HHIP: variants seen among roughly 807,000 people sequenced by gnomAD.
HHIP encodes the protein hedgehog-interacting protein.
Under a neutral mutation model 74.0 loss-of-function variants are expected in HHIP, and 12 were observed. That is an observed-to-expected ratio of 0.16 (90% CI 0.10 to 0.26). The LOEUF (loss-of-function observed/expected upper bound fraction) is 0.26. Ranked by LOEUF, HHIP falls within the 10% of genes least tolerant of loss-of-function variation. HHIP has a pLI of 1.00. For missense variants in HHIP, 788 were observed against 845.0 expected, an observed-to-expected ratio of 0.93 and a Z score of 0.84; for synonymous variants, 309 against 311.6, an observed-to-expected ratio of 0.99 and a Z score of 0.09.
At position 144,646,635 on chromosome 4, in the gene HHIP, C is replaced by G. The variant is rs377747402; in HGVS notation, c.-41C>G. 1.9e-6 allele frequency: 3 copies of G among 1,590,996 alleles called. No individual in the cohort carries two copies. Among genetic ancestry groups the G allele is most frequent in the Non-Finnish European group, 2.6e-6 (3 of 1,166,704 alleles). On this transcript the variant is annotated 5_prime_UTR_variant, in exon 1 of 13. Transcript: ENST00000296575. Reference sequence around the variant, plus strand: ...CCCCTGCTGGGCAGTGGCGTTCCCCCCCATCCTCCCGCGCCCAGCCCCTGC... The same window carrying G: ...CCCCTGCTGGGCAGTGGCGTTCCCCGCCATCCTCCCGCGCCCAGCCCCTGC...
intron 4 of HHIP, among the ~76,000 whole-genome samples, chr4:144,668,450 G>T (rs948373719): frequency 4.0e-5 from 6 of 151,460 alleles, no homozygotes; most frequent in African/African-American, 1.5e-4. Context: ...GCTGAAGATC[G>T]GGTGCAAGAA....
Position 144,742,749 on chromosome 4 carries a change from T to C in HHIP, c.*4792T>C, listed in dbSNP as rs945346505. Reference sequence around the variant, plus strand: ...TCTTTAAAATACCTAAAAATAAATATATATTTGCTATCTTATCCTCTTTTT... The same window carrying C: ...TCTTTAAAATACCTAAAAATAAATACATATTTGCTATCTTATCCTCTTTTT... On this transcript the variant is annotated 3_prime_UTR_variant, in exon 13 of 13. Coordinates refer to ENST00000296575, the MANE Select transcript of HHIP (RefSeq NM_022475.3). The C allele has an allele frequency of 3.7e-4, 56 of 149,362 alleles. No homozygotes were observed. The highest frequency in any genetic ancestry group is 1.3e-3 in the African/African-American group (53 of 40,778). The allele number at this position is 149,362 out of a possible 1,614,324, so 9.3% of individuals were successfully genotyped here. A position where few individuals can be genotyped will look rare whatever the true frequency, so the allele number is the denominator to read the frequency against.
rs1468409186 is a variant in HHIP at position 144,646,810 on chromosome 4, G to C, written c.135G>C (p.Pro45=). ...GAAGGTGCCTGAATGGGAACCCCCC[G>C]AAGCGCCTGAAAAGGAGAGACAGGA... ...RRRRCLNGNP[P]KRLKRRDRRM... is the part of the protein sequence containing the mutation. Residue 45 remains proline (P), a synonymous_variant, in exon 1 of 13, where the codon CCG becomes CCC. Coordinates refer to ENST00000296575, the MANE Select transcript of HHIP (RefSeq NM_022475.3). The C allele has an allele frequency of 1.2e-6, 2 of 1,614,192 alleles. No individual in the cohort carries two copies. The highest frequency in any genetic ancestry group is 2.2e-5 in the South Asian group (2 of 91,080).
chr4:144,658,138 G>A (rs1728600829), intron 2 of HHIP, among the ~76,000 whole-genome samples: 1 of 152,084 alleles, frequency 6.6e-6, no homozygotes, highest in African/African-American at 2.4e-5. Context: ...ATACTGATGA[G>A]ATATGCTCAC....
rs1728709707 is a variant in HHIP at position 144,661,393 on chromosome 4, G to T, written c.831+1555G>T. On this transcript the variant is annotated intron_variant, in intron 4 of 12. Transcript: ENST00000296575. The stretch of plus-strand genomic sequence containing the variant: ...TTCCAGAAGAGCTCCCAGGTTTCTG[G>T]GGCCTAAAATATACTTCAAAACCTG... 3 of 152,064 alleles carry T rather than the reference G, an allele frequency of 2.0e-5. No homozygotes were observed. In the South Asian group the frequency reaches 6.2e-4, roughly 32 times the overall value. The allele number at this position is 152,064 out of a possible 1,614,324, so 9.4% of individuals were successfully genotyped here. A position where few individuals can be genotyped will look rare whatever the true frequency, so the allele number is the denominator to read the frequency against.
At chr4:144,671,713 G>A (rs1006777720) in intron 4 of HHIP, among the ~76,000 whole-genome samples, 1 of 151,962 alleles carries the variant, frequency 6.6e-6, no homozygotes. Context: ...TAATACCTTG[G>A]GTCAGCCACG....
chr4:144,658,885 G>A lies in HHIP; in HGVS notation c.568G>A (p.Gly190Arg), dbSNP rs200015490. 4 of 1,613,474 alleles carry A rather than the reference G, an allele frequency of 2.5e-6. No individual in the cohort carries two copies. The highest frequency in any genetic ancestry group is 3.4e-6 in the Non-Finnish European group (4 of 1,179,548). Residue 190 changes from glycine (G) to arginine (R), a missense_variant, in exon 3 of 13, where the codon GGA becomes AGA. Physicochemically the swap from Gly to Arg is moderately radical, Grantham distance 125 (BLOSUM62 -2). Coordinates refer to ENST00000296575, the MANE Select transcript of HHIP (RefSeq NM_022475.3). ...AGATTTTCCAAGAAAACAAGTCAGA[G>A]GACCAGCATCTAACTACTTGGACCA... ...FPDFPRKQVR[G>R]PASNYLDQME... is the part of the protein sequence containing the mutation.
chr4:144,657,449 T>G (rs988411011), intron 2 of HHIP, among the ~76,000 whole-genome samples: 1 of 152,128 alleles, frequency 6.6e-6, no homozygotes, highest in African/African-American at 2.4e-5. Flanking sequence ...AAACTTTAGA[T>G]ATATAATATA....
chr4:144,692,734 A>T (rs1158037123), intron 4 of HHIP, among the ~76,000 whole-genome samples: 1 of 152,188 alleles, frequency 6.6e-6, no homozygotes, highest in African/African-American at 2.4e-5. Context: ...TATTTTAACA[A>T]TGGCTAAATT....
At chr4:144,677,476 T>C (rs1458930691) in intron 4 of HHIP, among the ~76,000 whole-genome samples, 1 of 152,114 alleles carries the variant, frequency 6.6e-6, no homozygotes, top group Non-Finnish European at 1.5e-5. Context: ...TCATAACAGA[T>C]GCCACTGGAT....
chr4:144,657,985 A>T (rs1728597641), intron 2 of HHIP, among the ~76,000 whole-genome samples: 1 of 152,178 alleles, frequency 6.6e-6, no homozygotes, highest in Non-Finnish European at 1.5e-5. Flanking sequence ...GTTATTCATT[A>T]GATTTATTAT....
intron 4 of HHIP, among the ~76,000 whole-genome samples, chr4:144,695,977 C>T (rs1467418322): frequency 2.0e-5 from 3 of 151,908 alleles, no homozygotes; most frequent in African/African-American, 7.2e-5. Context: ...ACGCATTCCT[C>T]ATCTGATCAA....
At chr4:144,659,451 T>C (rs1728642448) in intron 3 of HHIP, among the ~76,000 whole-genome samples, 186 bp from the exon 4 acceptor site, 1 of 152,210 alleles carries the variant, frequency 6.6e-6, no homozygotes, top group South Asian at 2.1e-4. Context: ...TGTTTTGTTT[T>C]TTGCCATTGA....
chr4:144,669,349 A>T (rs1728968695), intron 4 of HHIP, among the ~76,000 whole-genome samples: 1 of 152,176 alleles, frequency 6.6e-6, no homozygotes, highest in African/African-American at 2.4e-5. Context: ...ATCCAGCATG[A>T]CCTGTGATAC....
At chr4:144,690,622 G>A (rs1177593189) in intron 4 of HHIP, among the ~76,000 whole-genome samples, 3 of 152,214 alleles carry the variant, frequency 2.0e-5, no homozygotes. Context: ...TGGAATGACA[G>A]AGCGGAGACT....
chr4:144,715,490 T>C, intron 10 of HHIP, 60 bp downstream of exon 10: 1 of 1,532,188 alleles, frequency 6.5e-7, no homozygotes, highest in Admixed American at 1.7e-5. Context: ...AGAGGCTTTG[T>C]TCTGCCCTGA....
chr4:144,656,799 G>GT (rs761167395), intron 2 of HHIP, among the ~76,000 whole-genome samples: 40 of 149,036 alleles, frequency 2.7e-4, no homozygotes, highest in Middle Eastern at 6.9e-3. Flanking sequence ...TAACAATTTA[G>GT]TTTTTTTTTT....
chr4:144,705,481 A>G (rs192115947), intron 4 of HHIP, among the ~76,000 whole-genome samples: 7 of 152,354 alleles, frequency 4.6e-5, no homozygotes, highest in Admixed American at 1.3e-4. Context: ...TGCCATCAGC[A>G]GTTGCAGCGT....
intron 4 of HHIP, 30 bp from the exon 5 acceptor site, chr4:144,706,501 C>A: frequency 6.5e-7 from 1 of 1,547,746 alleles, no homozygotes; most frequent in Non-Finnish European, 8.7e-7. Flanking sequence ...ATTAACTTTA[C>A]AATTCTTTGT....
Sources: gnomAD v4.1 joint callset for allele counts (sites outside exome capture counted in the v4.1 genomes callset) on GRCh38, gnomAD v4.1.1 for gene constraint, MANE v1.5 for transcripts, NCBI Gene and HGNC (gene_info 2026-07-23, HGNC 2026-07-21) for gene names.